Variants in CRAT observed in about 807,000 individuals in gnomAD.
The protein encoded by CRAT is carnitine acetylase.
CRAT carries 66 observed loss-of-function variants against 73.7 expected under a neutral mutation model. The observed-to-expected ratio is 0.90, with a 90% CI of 0.73 to 1.10. The LOEUF is 1.10. Ranked by LOEUF, CRAT falls within the 50% of genes least tolerant of loss-of-function variation. The pLI, the probability that CRAT is intolerant of heterozygous loss-of-function variation, is 0.00. For missense variants in CRAT, 745 were observed against 846.9 expected (o/e 0.88, Z 1.49); for synonymous variants, 321 against 343.2 (o/e 0.94, Z 0.71).
chr9:129,098,186 G>A lies in CRAT; in HGVS notation c.1329-38C>T, dbSNP rs200041803. On this transcript the variant is annotated intron_variant, in intron 10 of 13. Transcript: ENST00000318080. ...GGGGCTAAGCACGCCCCTTGGAGGC[G>A]GGCACCCCCTCCCCTGCCCCCAGGT... The A allele has an allele frequency of 5.1e-4, 823 of 1,612,616 alleles. 7 individuals are homozygous for A. The Admixed American group carries it at 0.013, about 25-fold the overall frequency.
chr9:129,097,098 T>A, intron 12 of CRAT, 152 bp downstream of exon 12: 1 of 550,918 alleles, frequency 1.8e-6, no homozygotes, highest in Non-Finnish European at 3.1e-6. Context: ...AGTTGGGGGC[T>A]ATTCAGCCTG....
intron 1 of CRAT, chr9:129,108,974 G>A (rs954370391): frequency 3.1e-5 from 38 of 1,231,152 alleles, no homozygotes; most frequent in Middle Eastern, 2.8e-4. Context: ...TGGTGGAATC[G>A]GGGGTTGTGG....
chr9:129,097,801 A>G (rs1847376414), intron 11 of CRAT: 5 of 659,754 alleles, frequency 7.6e-6, no homozygotes, highest in Non-Finnish European at 1.0e-5. Flanking sequence ...CTTACTGCCA[A>G]TGAATAAATG....
chr9:129,100,795 G>C, intron 6 of CRAT, 106 bp from the exon 7 acceptor site: 2 of 1,375,322 alleles, frequency 1.5e-6, no homozygotes, highest in Non-Finnish European at 2.0e-6. Context: ...TGACCCATTT[G>C]TACCTCTCTG....
intron 12 of CRAT, among the ~76,000 whole-genome samples, chr9:129,096,816 C>T (rs1247417408): frequency 6.6e-6 from 1 of 152,156 alleles, no homozygotes; most frequent in African/African-American, 2.4e-5. Context: ...CGCCTATAAT[C>T]CCAGCACTTT....
At chr9:129,104,698 G>A (rs1158271633) in intron 2 of CRAT, among the ~76,000 whole-genome samples, 1 of 151,764 alleles carries the variant, frequency 6.6e-6, no homozygotes, top group Non-Finnish European at 1.5e-5. Flanking sequence ...TCCGCCTCCT[G>A]GGTTCACGCC....
chr9:129,095,691 C>T, intron 13 of CRAT, 79 bp from the exon 14 acceptor site: 11 of 1,421,716 alleles, frequency 7.7e-6, no homozygotes, highest in Non-Finnish European at 1.1e-5. Context: ...GTGCTTCCGC[C>T]AAGACTGCAG....
At chr9:129,105,922 A>G (rs1847986335) in intron 2 of CRAT, among the ~76,000 whole-genome samples, 1 of 151,658 alleles carries the variant, frequency 6.6e-6, no homozygotes, top group Non-Finnish European at 1.5e-5. Flanking sequence ...CGCTGCGCAC[A>G]CTCCCAGGTG....
intron 4 of CRAT, 44 bp from the exon 5 acceptor site, chr9:129,102,609 T>C: frequency 6.2e-7 from 1 of 1,606,700 alleles, no homozygotes; most frequent in Non-Finnish European, 8.5e-7. Flanking sequence ...GGCAAGTGAA[T>C]GGGGAGGAGG....
At chr9:129,096,209 G>A in intron 12 of CRAT, 74 bp from the exon 13 acceptor site, 3 of 1,584,034 alleles carry the variant, frequency 1.9e-6, no homozygotes, top group Non-Finnish European at 2.6e-6. Flanking sequence ...TCAGCCTGTG[G>A]CAGCGCCACC....
At chr9:129,109,673 A>G (rs1319073243) in intron 1 of CRAT, among the ~76,000 whole-genome samples, 1 of 152,108 alleles carries the variant, frequency 6.6e-6, no homozygotes, top group Non-Finnish European at 1.5e-5. Context: ...GTGGAGGCTC[A>G]GGGTGTTGCA....
rs111763953 is a variant in CRAT, at chr9:129,103,295, G to GT, written c.411-230dup. Among the ~76,000 whole-genome samples the GT allele has an allele frequency of 6.1e-4, 93 of 152,316 alleles. No homozygotes were observed. The highest frequency in any genetic ancestry group is 2.2e-3 in the African/African-American group (91 of 41,578). On this transcript the variant is annotated intron_variant, in intron 3 of 13. Coordinates refer to ENST00000318080, the MANE Select transcript of CRAT (RefSeq NM_000755.5). This position sits in a 1 kb window ranked among gnomAD's most constrained non-coding sequence, Gnocchi z 4.6. The stretch of plus-strand genomic sequence containing the variant: ...GTCGGGAGGGCTCGGGGAAGTGCTG[G>GT]TGGCCAAGGGCCTAGTAGGACTTGG...
intron 8 of CRAT, among the ~76,000 whole-genome samples, chr9:129,099,423 C>T (rs1847513855): frequency 1.1e-5 from 1 of 90,744 alleles, no homozygotes; most frequent in Non-Finnish European, 2.1e-5. Flanking sequence ...TGCACCTGGC[C>T]TAATTTTTTT....
intron 8 of CRAT, among the ~76,000 whole-genome samples, chr9:129,099,594 T>A (rs4837339): frequency 1.6e-5 from 1 of 60,616 alleles, no homozygotes; most frequent in East Asian, 5.6e-4. Flanking sequence ...ACCTGGGTAA[T>A]TTTTTTTTTT....
Position 129,108,200 on chromosome 9 carries a change from G to A in CRAT, c.28-123C>T. 3.1e-6 allele frequency: 4 copies of A among 1,288,190 alleles called. 1 individual carries two copies. The highest frequency in any genetic ancestry group is 3.5e-5 in the South Asian group (2 of 57,418). 79.8% of individuals were successfully genotyped at this position (1,288,190 alleles called of 1,614,324 possible). On this transcript the variant is annotated intron_variant, in intron 1 of 13. Coordinates refer to ENST00000318080, the MANE Select transcript of CRAT (RefSeq NM_000755.5). Reference sequence around the variant, plus strand: ...GGGCAGAGACGGCCTCTTGGGTGGGGCTGGCCCTGGCCTCCCAGCCCTAGA... The same window carrying A: ...GGGCAGAGACGGCCTCTTGGGTGGGACTGGCCCTGGCCTCCCAGCCCTAGA...
At chr9:129,109,389 T>C (rs1393391192) in intron 1 of CRAT, 21 of 772,776 alleles carry the variant, frequency 2.7e-5, no homozygotes, top group Non-Finnish European at 1.1e-5. Flanking sequence ...CTGGGACCCA[T>C]CTGAGCCATC....
intron 6 of CRAT, among the ~76,000 whole-genome samples, chr9:129,101,540 TAA>T (rs1564163333): frequency 6.6e-6 from 1 of 152,236 alleles, no homozygotes; most frequent in Non-Finnish European, 1.5e-5. Context: ...TCCGATAAGT[TAA>T]AGACACGCTG....
intron 8 of CRAT, 78 bp downstream of exon 8, chr9:129,099,788 C>T: frequency 9.6e-6 from 11 of 1,141,838 alleles, no homozygotes; most frequent in Non-Finnish European, 1.4e-5. Flanking sequence ...TGATATTTCT[C>T]TATAAGCTGG....
chr9:129,101,935 G>C lies in CRAT; in HGVS notation c.753C>G (p.Leu251=). The change falls in exon 6 of 14, where the codon CTC becomes CTG. Residue 251 remains leucine, a synonymous_variant. Coordinates refer to ENST00000318080, the MANE Select transcript of CRAT (RefSeq NM_000755.5). ...CCCAGGAGTTGCGGTGGTTGGAGGT[G>C]AGGATGCCCACAGGCTCCTTGTTGG... ...LQTNKEPVGI[L]TSNHRNSWAK... is the part of the protein sequence containing the mutation. The C allele has an allele frequency of 6.2e-7, 1 of 1,614,202 alleles. No individual in the cohort carries two copies. The highest frequency in any genetic ancestry group is 8.5e-7 in the Non-Finnish European group (1 of 1,180,034).
Sources: allele counts gnomAD v4.1 joint callset (sites outside exome capture counted in the v4.1 genomes callset), GRCh38; gene constraint gnomAD v4.1.1; non-coding constraint Gnocchi (gnomAD v3.1); transcripts MANE v1.5; gene names NCBI Gene and HGNC (gene_info 2026-07-23, HGNC 2026-07-21).